The following MAP3K1 variants were observed in gnomAD, a reference collection of about 807,000 sequenced individuals.
MAP3K1 encodes the protein mitogen-activated protein kinase kinase kinase 1, also known as MAP/ERK kinase kinase 1.
A neutral mutation model predicts 144.2 loss-of-function variants in MAP3K1; 36 were observed. The observed-to-expected ratio is 0.25, with a 90% CI of 0.19 to 0.33. The LOEUF (loss-of-function observed/expected upper bound fraction) is 0.33, where lower values mean the gene tolerates loss of function less well. MAP3K1 is among the 10% of genes least tolerant of loss of function. The pLI, the probability that MAP3K1 is intolerant of heterozygous loss-of-function variation, is 1.00. For missense variants in MAP3K1, 1,650 were observed against 1,881.9 expected (o/e 0.88, Z 2.28); for synonymous variants, 718 against 688.7 (o/e 1.04, Z -0.67).
At position 56,893,473 on chromosome 5, in the gene MAP3K1, G is replaced by T. The variant is rs777836406; in HGVS notation, c.4390-58G>T. 76 of 1,570,684 alleles carry T rather than the reference G, an allele frequency of 4.8e-5. No individual in the cohort carries two copies. The Middle Eastern group carries it at 1.0e-3, about 21-fold the overall frequency. On this transcript the variant is annotated intron_variant, in intron 19 of 19. Coordinates refer to ENST00000399503, the MANE Select transcript of MAP3K1 (RefSeq NM_005921.2). Reference sequence around the variant, plus strand: ...AGGGTTATGAGGTCTATGCACATGTGTTTCTGTATCAGAAGTTACAGTTGT... The same window carrying T: ...AGGGTTATGAGGTCTATGCACATGTTTTTCTGTATCAGAAGTTACAGTTGT...
intron 4 of MAP3K1, 31 bp from the exon 5 acceptor site, chr5:56,865,309 T>G (rs1444771277): frequency 8.0e-7 from 1 of 1,249,638 alleles, no homozygotes; most frequent in Non-Finnish European, 1.2e-6. Flanking sequence ...ACAGATGTAT[T>G]AACCTATAGG....
intron 10 of MAP3K1, among the ~76,000 whole-genome samples, chr5:56,878,069 G>C (rs1167935853): frequency 2.6e-5 from 4 of 152,162 alleles, no homozygotes; most frequent in African/African-American, 9.7e-5. Context: ...TATTATTGGT[G>C]ATGCTGTCAG....
At chr5:56,838,755 T>C (rs1317925644) in intron 1 of MAP3K1, among the ~76,000 whole-genome samples, 1 of 152,204 alleles carries the variant, frequency 6.6e-6, no homozygotes, top group East Asian at 1.9e-4. Context: ...GTGGATTGAC[T>C]AGGGTAGCTA....
Position 56,891,036 on chromosome 5 carries a change from C to T in MAP3K1, c.4390-2495C>T, listed in dbSNP as rs73136913. ...ACTTCAGCCTGGGTGACAGTGAGAG[C>T]GAGACCCTGTCTCTAAATTAAGTTT... On this transcript the variant is annotated intron_variant, in intron 19 of 19. Coordinates refer to ENST00000399503, the MANE Select transcript of MAP3K1 (RefSeq NM_005921.2). Among the ~76,000 whole-genome samples, 1,110 of 152,012 alleles carry T rather than the reference C, an allele frequency of 7.3e-3. 13 individuals are homozygous for T. The highest frequency in any genetic ancestry group is 0.025 in the African/African-American group (1,050 of 41,432).
chr5:56,874,224 G>T (rs1747946478), intron 9 of MAP3K1, among the ~76,000 whole-genome samples: 2 of 152,214 alleles, frequency 1.3e-5, no homozygotes, highest in South Asian at 4.1e-4. Context: ...TTCAAAAGTT[G>T]TGTTTATTCA....
chr5:56,884,574 C>G, intron 15 of MAP3K1, 90 bp from the exon 16 acceptor site: 1 of 1,222,528 alleles, frequency 8.2e-7, no homozygotes, highest in Non-Finnish European at 1.2e-6. Context: ...CCATCTGTTG[C>G]TAATAAAGTG....
Position 56,883,993 on chromosome 5 carries a change from A to G in MAP3K1, c.3819+314A>G, listed in dbSNP as rs1748303173. Among the ~76,000 whole-genome samples, 3 of 152,204 alleles carry G rather than the reference A, an allele frequency of 2.0e-5. No individual in the cohort carries two copies. In the South Asian group the frequency reaches 6.2e-4, roughly 32 times the overall value. On this transcript the variant is annotated intron_variant, in intron 15 of 19. Coordinates refer to ENST00000399503, the MANE Select transcript of MAP3K1 (RefSeq NM_005921.2). Reference sequence around the variant, plus strand: ...GTGAAACCCTACCTCTACTAAAAATACAAAAATCGGCCGGGCAGGGTGGTA... The same window carrying G: ...GTGAAACCCTACCTCTACTAAAAATGCAAAAATCGGCCGGGCAGGGTGGTA...
At chr5:56,878,663 G>A (rs1329993684) in intron 10 of MAP3K1, among the ~76,000 whole-genome samples, 1 of 152,034 alleles carries the variant, frequency 6.6e-6, no homozygotes, top group Non-Finnish European at 1.5e-5. Flanking sequence ...TTCCAGCCTT[G>A]ACCATTGGGA....
In MAP3K1 at chr5:56,882,707, T is replaced by A. The variant is rs1561200730; in HGVS notation, c.3507T>A (p.Asp1169Glu). 6.2e-7 allele frequency: 1 copy of A among 1,613,958 alleles called. No individual in the cohort carries two copies. ...CTGAAAATGATGATACCTACAAAGATGATGTGAATCATAATCAAAAGTGCA... is the reference window on the plus strand; with the variant it reads ...CTGAAAATGATGATACCTACAAAGAAGATGTGAATCATAATCAAAAGTGCA... The part of the protein sequence containing the change: ...EKAENDDTYK[D>E]DVNHNQKCKE... Residue 1169 changes from aspartate (D) to glutamate (E), a missense_variant, in exon 14 of 20, where the codon GAT becomes GAA. This residue lies in a region of MAP3K1 where 841 missense variants were observed against 886.5 expected (regional missense o/e 0.95). Coordinates refer to ENST00000399503, the MANE Select transcript of MAP3K1 (RefSeq NM_005921.2).
At chr5:56,823,125 T>A (rs1241146754) in intron 1 of MAP3K1, among the ~76,000 whole-genome samples, 7 of 152,244 alleles carry the variant, frequency 4.6e-5, no homozygotes, top group Admixed American at 1.3e-4. Flanking sequence ...AATTTAATTT[T>A]AAGATGTTCA....
intron 1 of MAP3K1, among the ~76,000 whole-genome samples, chr5:56,820,124 CTGTG>C (rs374062503): frequency 5.9e-5 from 9 of 152,058 alleles, no homozygotes; most frequent in East Asian, 1.9e-4. Context: ...CTTTTGCCTT[CTGTG>C]TGTGTGTATG....
Position 56,872,828 on chromosome 5 carries a change from C to T in MAP3K1, c.1509C>T (p.His503=), listed in dbSNP as rs548173128. The T allele has an allele frequency of 1.3e-4, 203 of 1,614,046 alleles. No individual in the cohort carries two copies. Among genetic ancestry groups the T allele is most frequent in the East Asian group, 3.6e-4 (16 of 44,868 alleles). The change falls in exon 9 of 20, where the codon CAC becomes CAT. Residue 503 remains histidine (H), a synonymous_variant. Transcript: ENST00000399503. ...SKWRSHDFYS[H]ELSSPVDSPS... ...GTTTTGTTATTTTTCATTTTAGCCA[C>T]GAGTTGTCAAGTCCTGTGGATTCCC... is the stretch of plus-strand genomic sequence containing the variant.
intron 1 of MAP3K1, chr5:56,842,092 T>C (rs1332795790): frequency 6.6e-6 from 1 of 152,252 alleles, no homozygotes; most frequent in Non-Finnish European, 1.5e-5. Context: ...GGAACTAATA[T>C]TAAACAGTTG....
intron 16 of MAP3K1, among the ~76,000 whole-genome samples, chr5:56,885,719 C>T (rs1356928436): frequency 2.0e-5 from 3 of 152,186 alleles, no homozygotes; most frequent in African/African-American, 7.2e-5. Context: ...AATCTTGACT[C>T]TCCAATAAAC....
chr5:56,835,828 T>C (rs1408430479), intron 1 of MAP3K1, among the ~76,000 whole-genome samples: 1 of 152,042 alleles, frequency 6.6e-6, no homozygotes, highest in Non-Finnish European at 1.5e-5. Context: ...CTCAAGGAGA[T>C]GGCGGCTTGG....
At chr5:56,872,772 A>T in intron 8 of MAP3K1, 50 bp downstream of exon 8, 1 of 1,606,070 alleles carries the variant, frequency 6.2e-7, no homozygotes. Flanking sequence ...AAAATTTCTC[A>T]GTGTGGTTTG....
intron 1 of MAP3K1, among the ~76,000 whole-genome samples, chr5:56,841,232 T>C (rs1405555630): frequency 2.0e-5 from 3 of 152,164 alleles, no homozygotes; most frequent in Admixed American, 2.0e-4. Flanking sequence ...CAGGTTAATA[T>C]TTTTCATGTA....
At chr5:56,836,398 C>CT (rs887256834) in intron 1 of MAP3K1, among the ~76,000 whole-genome samples, 11 of 151,712 alleles carry the variant, frequency 7.3e-5, no homozygotes, top group South Asian at 2.1e-4. Context: ...CAGGAATTAC[C>CT]TTTTTTTTGG....
At position 56,878,881 on chromosome 5, in the gene MAP3K1, C is replaced by T. The variant is rs1748117993; in HGVS notation, c.1966-99C>T. ...TTATTCTATGGGTTATAATCCATTC[C>T]TGTCTACTTATTTTGTTGCTCAAAT... is the stretch of plus-strand genomic sequence containing the variant. On this transcript the variant is annotated intron_variant, in intron 10 of 19. Transcript: ENST00000399503. 3 of 998,610 alleles carry T rather than the reference C, an allele frequency of 3.0e-6. No homozygotes were observed. The South Asian group carries it at 3.9e-5, about 13-fold the overall frequency. The allele number at this position is 998,610 out of a possible 1,614,324, so 61.9% of individuals were successfully genotyped here.
Sources: allele counts gnomAD v4.1 joint callset (sites outside exome capture counted in the v4.1 genomes callset), GRCh38; gene constraint gnomAD v4.1.1; regional missense constraint gnomAD v4.1.1; transcripts MANE v1.5; gene names NCBI Gene and HGNC (gene_info 2026-07-23, HGNC 2026-07-21).